Variants in DOCK8 observed in about 807,000 individuals in gnomAD.
The protein encoded by DOCK8 is dedicator of cytokinesis protein 8.
Under a neutral mutation model 245.6 loss-of-function variants are expected in DOCK8, and 141 were observed. The ratio of observed to expected loss-of-function variants is 0.57; its 90% CI spans 0.50 to 0.66. The LOEUF (loss-of-function observed/expected upper bound fraction) is 0.66. Ranked by LOEUF, DOCK8 falls within the 30% of genes least tolerant of loss-of-function variation. The pLI, the probability that DOCK8 is intolerant of heterozygous loss-of-function variation, is 0.00. For synonymous variants in DOCK8, 1,168 were observed against 970.2 expected (o/e 1.20, Z -3.79); for missense variants, 2,965 against 2,603.4 (o/e 1.14, Z -3.02).
rs749039419 is a variant in DOCK8, at chr9:414,915, A to G, written c.3664A>G (p.Ile1222Val). 2 of 1,614,102 alleles carry G rather than the reference A, an allele frequency of 1.2e-6. No homozygotes were observed. Among genetic ancestry groups the G allele is most frequent in the African/African-American group, 1.3e-5 (1 of 75,048 alleles). Reference protein sequence around the residue: ...AALYLPLVGIILDALPQLCDF... With the variant: ...AALYLPLVGIVLDALPQLCDF... ...CCTTTACCTACCTTTAGTTGGCATC[A>G]TTTTGGATGCTTTGCCACAGCTCTG... Residue 1222 changes from isoleucine (I) to valine (V), a missense_variant, in exon 29 of 48, where the codon ATT becomes GTT. Coordinates refer to ENST00000432829, the MANE Select transcript of DOCK8 (RefSeq NM_203447.4).
At chr9:309,255 A>G (rs1054064496) in intron 5 of DOCK8, among the ~76,000 whole-genome samples, 1 of 152,166 alleles carries the variant, frequency 6.6e-6, no homozygotes, top group Non-Finnish European at 1.5e-5. Context: ...TTAAACTCTT[A>G]TAAATTTTAA....
At chr9:389,499 A>G (rs936926735) in intron 23 of DOCK8, among the ~76,000 whole-genome samples, 7 of 152,118 alleles carry the variant, frequency 4.6e-5, no homozygotes, top group African/African-American at 1.4e-4. Flanking sequence ...GCTTCCCACA[A>G]TGCCATATGG....
chr9:425,062 G>A lies in DOCK8; in HGVS notation c.4242-1823G>A, dbSNP rs532912096. On this transcript the variant is annotated intron_variant, in intron 33 of 47. Coordinates refer to ENST00000432829, the MANE Select transcript of DOCK8 (RefSeq NM_203447.4). Reference sequence around the variant, plus strand: ...TAGTAATTTTTATATTGCTTACATGGAGACAGTATTTTTTATCTTTTAGGA... The same window carrying A: ...TAGTAATTTTTATATTGCTTACATGAAGACAGTATTTTTTATCTTTTAGGA... Among the ~76,000 whole-genome samples, 16 of 152,248 alleles carry A rather than the reference G, an allele frequency of 1.1e-4. No homozygotes were observed. The South Asian group carries it at 3.3e-3, about 32-fold the overall frequency.
intron 15 of DOCK8, chr9:369,118 TAAAAAG>T (rs2131192945): frequency 1.3e-5 from 2 of 150,850 alleles, no homozygotes; most frequent in South Asian, 4.2e-4. Flanking sequence ...TATACCTTTC[TAAAAAG>T]AAAAAGAAAA....
At chr9:261,534 G>A (rs769228802) in intron 1 of DOCK8, among the ~76,000 whole-genome samples, 7 of 152,156 alleles carry the variant, frequency 4.6e-5, no homozygotes, top group Non-Finnish European at 1.0e-4. Context: ...TCGGGGATAT[G>A]GTCAATATGT....
intron 1 of DOCK8, among the ~76,000 whole-genome samples, chr9:245,423 G>A (rs1301015692): frequency 4.6e-5 from 7 of 151,952 alleles, no homozygotes; most frequent in African/African-American, 1.7e-4. Context: ...GGCCAGGCTG[G>A]TCTCGAACTC....
At chr9:444,502 T>A (rs2057191671) in intron 43 of DOCK8, among the ~76,000 whole-genome samples, 1 of 152,164 alleles carries the variant, frequency 6.6e-6, no homozygotes, top group Non-Finnish European at 1.5e-5. Flanking sequence ...TATGGCTTCC[T>A]GGCTCATCAG....
At chr9:357,506 A>AGTG (rs566311219) in intron 14 of DOCK8, among the ~76,000 whole-genome samples, 3 of 151,752 alleles carry the variant, frequency 2.0e-5, no homozygotes, top group Non-Finnish European at 4.4e-5. Flanking sequence ...TCTGACTTTC[A>AGTG]GTGGATTTTT....
At chr9:436,088 G>A (rs1336331772) in intron 39 of DOCK8, among the ~76,000 whole-genome samples, 1 of 152,234 alleles carries the variant, frequency 6.6e-6, no homozygotes, top group Non-Finnish European at 1.5e-5. Flanking sequence ...CCCAGGCTTA[G>A]AGAATAAGTC....
At chr9:455,367 G>A (rs529320023) in intron 46 of DOCK8, among the ~76,000 whole-genome samples, 5 of 152,068 alleles carry the variant, frequency 3.3e-5, no homozygotes, top group Non-Finnish European at 5.9e-5. Context: ...TTAGCCAAGC[G>A]TGGTAGTGGT....
chr9:241,305 G>T (rs144352511), intron 1 of DOCK8, among the ~76,000 whole-genome samples: 2 of 152,232 alleles, frequency 1.3e-5, no homozygotes, highest in Non-Finnish European at 2.9e-5. Flanking sequence ...TCCCACAGTA[G>T]TATAGAGCAC....
At chr9:404,689 C>A (rs751911722) in intron 26 of DOCK8, among the ~76,000 whole-genome samples, 4 of 152,148 alleles carry the variant, frequency 2.6e-5, no homozygotes, top group Non-Finnish European at 4.4e-5. Context: ...GGATAAGAAT[C>A]CTCATTCTGG....
chr9:228,983 A>G (rs182164965), intron 1 of DOCK8, among the ~76,000 whole-genome samples: 122 of 152,244 alleles, frequency 8.0e-4, no homozygotes, highest in African/African-American at 2.8e-3. Context: ...TCTTTTTTGC[A>G]TTCTTAGCTG....
chr9:404,281 G>T (rs993269590), intron 26 of DOCK8, among the ~76,000 whole-genome samples: 14 of 151,794 alleles, frequency 9.2e-5, no homozygotes, highest in Admixed American at 6.6e-5. Flanking sequence ...TTGCTTCATG[G>T]TTTATTTTTT....
chr9:280,052 G>C (rs2048512475), intron 2 of DOCK8, among the ~76,000 whole-genome samples: 1 of 152,196 alleles, frequency 6.6e-6, no homozygotes, highest in African/African-American at 2.4e-5. Context: ...GGGGTTGTAG[G>C]AATTTTCAAT....
chr9:405,201 G>C, intron 27 of DOCK8, 128 bp downstream of exon 27: 1 of 943,754 alleles, frequency 1.1e-6, no homozygotes, highest in Non-Finnish European at 1.6e-6. Context: ...ATTCAAACCA[G>C]ATCAAGTATG....
chr9:212,406 GGCCAAGAGA>G (rs1357118992), upstream of DOCK8, among the ~76,000 whole-genome samples: 1 of 152,100 alleles, frequency 6.6e-6, no homozygotes, highest in Non-Finnish European at 1.5e-5. Flanking sequence ...GAAAGAGGAA[GGCCAAGAGA>G]GACCATCAGA....
intron 3 of DOCK8, among the ~76,000 whole-genome samples, chr9:287,647 T>C (rs1032210331): frequency 3.3e-5 from 5 of 152,232 alleles, no homozygotes; most frequent in African/African-American, 1.2e-4. Flanking sequence ...ATAGGAGAAC[T>C]GACCATATGT....
intron 6 of DOCK8, among the ~76,000 whole-genome samples, chr9:315,693 A>T (rs146087953): frequency 1.3e-4 from 20 of 152,316 alleles, no homozygotes; most frequent in Non-Finnish European, 2.5e-4. Flanking sequence ...ATGAAACCAG[A>T]ATGCCCCTGA....
Sources: gnomAD v4.1 joint callset for allele counts (sites outside exome capture counted in the v4.1 genomes callset) on GRCh38, gnomAD v4.1.1 for gene constraint, MANE v1.5 for transcripts, NCBI Gene and HGNC (gene_info 2026-07-23, HGNC 2026-07-21) for gene names.